HTR4: variants seen among roughly 807,000 people sequenced by gnomAD.
The protein encoded by HTR4 is 5-hydroxytryptamine (serotonin) receptor 4, G protein-coupled.
Under a neutral mutation model 36.8 loss-of-function variants are expected in HTR4, and 16 were observed. That is an observed-to-expected ratio of 0.43 (90% CI 0.29 to 0.66). The LOEUF (loss-of-function observed/expected upper bound fraction) is 0.66, where lower values mean the gene tolerates loss of function less well. Ranked by LOEUF, HTR4 falls within the 30% of genes least tolerant of loss-of-function variation. The pLI is 0.13. For missense variants in HTR4, 438 were observed against 490.9 expected, an observed-to-expected ratio of 0.89 and a Z score of 1.02; for synonymous variants, 189 against 185.1, an observed-to-expected ratio of 1.02 and a Z score of -0.17.
intron 1 of HTR4, chr5:148,644,964 G>A (rs1753838484): frequency 6.6e-6 from 1 of 152,128 alleles, no homozygotes; most frequent in African/African-American, 2.4e-5. Flanking sequence ...TGAATACACT[G>A]TTCTTGGTAT....
intron 2 of HTR4, among the ~76,000 whole-genome samples, chr5:148,636,449 T>C (rs1459925588): frequency 6.6e-6 from 1 of 152,178 alleles, no homozygotes; most frequent in Admixed American, 6.6e-5. Flanking sequence ...AAAGAAAATC[T>C]TCCCTAGGAG....
chr5:148,484,753 G>A (rs1443612688), intron 6 of HTR4, among the ~76,000 whole-genome samples: 1 of 152,124 alleles, frequency 6.6e-6, no homozygotes, highest in East Asian at 1.9e-4. Context: ...CTATTTCTGG[G>A]TTAGATCTGA....
chr5:148,605,603 G>A (rs1463504161), intron 2 of HTR4, among the ~76,000 whole-genome samples: 3 of 151,982 alleles, frequency 2.0e-5, no homozygotes, highest in Admixed American at 6.6e-5. Flanking sequence ...AGATCTTCAC[G>A]TTCCGCAGTT....
intron 5 of HTR4, among the ~76,000 whole-genome samples, chr5:148,515,690 T>A (rs1455948185): frequency 1.3e-5 from 2 of 152,300 alleles, no homozygotes; most frequent in African/African-American, 4.8e-5. Flanking sequence ...AGTCTTATTT[T>A]CCCTGTTAAG....
In HTR4 at chr5:148,481,652, C is replaced by A; in HGVS notation, c.*1551G>T. On this transcript the variant is annotated 3_prime_UTR_variant, in exon 7 of 7. Transcript: ENST00000377888. ...GAACTAAAGTAAACAACAATGGAAA[C>A]AATAACTGACACCTTATAAGCAATA... 1 of 1,492,970 alleles carries A rather than the reference C, an allele frequency of 6.7e-7. No individual in the cohort carries two copies. The allele number at this position is 1,492,970 out of a possible 1,614,324, so 92.5% of individuals were successfully genotyped here.
At chr5:148,612,205 C>T (rs1374142444) in intron 2 of HTR4, among the ~76,000 whole-genome samples, 4 of 152,136 alleles carry the variant, frequency 2.6e-5, no homozygotes, top group Non-Finnish European at 2.9e-5. Context: ...AACTCTCCAC[C>T]ACAAATCAAC....
chr5:148,640,485 G>C (rs1753697120), intron 1 of HTR4, among the ~76,000 whole-genome samples: 1 of 152,180 alleles, frequency 6.6e-6, no homozygotes, highest in Non-Finnish European at 1.5e-5. Flanking sequence ...GAAGCTGCTA[G>C]TGGCCATCAT....
chr5:148,461,916 C>A (rs1388895336), intron 5 of HTR4: 1 of 152,028 alleles, frequency 6.6e-6, no homozygotes, highest in Non-Finnish European at 1.5e-5. Flanking sequence ...TGTCTGCTCT[C>A]AGGCCACAGT....
chr5:148,455,943 G>C (rs935101601), intron 5 of HTR4, among the ~76,000 whole-genome samples: 1 of 152,042 alleles, frequency 6.6e-6, no homozygotes, highest in African/African-American at 2.4e-5. Flanking sequence ...GATGAAGAGG[G>C]GGGTTGGTCT....
chr5:148,580,639 C>T (rs367906661), intron 2 of HTR4, among the ~76,000 whole-genome samples: 10 of 152,142 alleles, frequency 6.6e-5, no homozygotes, highest in South Asian at 2.1e-4. Context: ...TTTCCGTGAC[C>T]GACTTATGTC....
chr5:148,630,931 C>T (rs1259148021), intron 2 of HTR4, among the ~76,000 whole-genome samples: 1 of 152,058 alleles, frequency 6.6e-6, no homozygotes, highest in East Asian at 1.9e-4. Context: ...TTTCCATAAA[C>T]CCTACTTTTC....
chr5:148,582,010 T>A (rs972247971), intron 2 of HTR4, among the ~76,000 whole-genome samples: 1 of 152,096 alleles, frequency 6.6e-6, no homozygotes, highest in Non-Finnish European at 1.5e-5. Flanking sequence ...CATCAGTATT[T>A]TATAATTTTA....
At chr5:148,630,798 G>A (rs926007838) in intron 2 of HTR4, among the ~76,000 whole-genome samples, 2 of 152,054 alleles carry the variant, frequency 1.3e-5, no homozygotes, top group Non-Finnish European at 2.9e-5. Context: ...AAGATTACCT[G>A]TAATCTTAAG....
At chr5:148,631,091 T>A (rs1753305941) in intron 2 of HTR4, among the ~76,000 whole-genome samples, 1 of 152,138 alleles carries the variant, frequency 6.6e-6, no homozygotes, top group African/African-American at 2.4e-5. Context: ...AATATAAATG[T>A]ATCTTCTTCC....
At chr5:148,555,843 A>G (rs1480557596) in intron 2 of HTR4, among the ~76,000 whole-genome samples, 2 of 152,138 alleles carry the variant, frequency 1.3e-5, no homozygotes, top group African/African-American at 2.4e-5. Context: ...ATAGGTTAGT[A>G]TATGTGAAAA....
chr5:148,507,339 A>T (rs528365514), intron 6 of HTR4, among the ~76,000 whole-genome samples: 1 of 133,262 alleles, frequency 7.5e-6, no homozygotes, highest in Non-Finnish European at 1.5e-5. Flanking sequence ...ACATTTGGAC[A>T]CAGGAAGGGG....
chr5:148,638,124 GC>G (rs933729708), intron 1 of HTR4, among the ~76,000 whole-genome samples: 19 of 152,204 alleles, frequency 1.2e-4, no homozygotes, highest in African/African-American at 4.3e-4. Flanking sequence ...GATGTGGCTG[GC>G]AGCCACGAAG....
chr5:148,588,721 T>C (rs890494625), intron 2 of HTR4, among the ~76,000 whole-genome samples: 19 of 150,930 alleles, frequency 1.3e-4, no homozygotes, highest in Non-Finnish European at 2.2e-4. Context: ...TTTGTATTTT[T>C]AGTAGAGACG....
At chr5:148,575,665 A>C (rs2113888964) in intron 2 of HTR4, among the ~76,000 whole-genome samples, 1 of 152,260 alleles carries the variant, frequency 6.6e-6, no homozygotes, top group South Asian at 2.1e-4. Flanking sequence ...AATTATCTAA[A>C]TATTCATTAA....
Sources: gnomAD v4.1 joint callset for allele counts (sites outside exome capture counted in the v4.1 genomes callset) on GRCh38, gnomAD v4.1.1 for gene constraint, MANE v1.5 for transcripts, NCBI Gene and HGNC (gene_info 2026-07-23, HGNC 2026-07-21) for gene names.